FRMD1: variants seen among roughly 807,000 people sequenced by gnomAD.
FRMD1 encodes FERM domain containing 1, also known as FERM domain-containing protein 1.
FRMD1 carries 51 observed loss-of-function variants against 54.9 expected under a neutral mutation model. The ratio of observed to expected loss-of-function variants is 0.93; its 90% CI spans 0.74 to 1.17. FRMD1 has a LOEUF of 1.17. Ranked by LOEUF, FRMD1 falls within the 50% of genes most tolerant of loss-of-function variation. The probability of loss-of-function intolerance (pLI) is 0.00; values close to 1 mark genes in which losing one functional copy is unlikely to be tolerated. For synonymous variants in FRMD1, 324 were observed against 306.4 expected (o/e 1.06, Z -0.60); for missense variants, 729 against 743.0 (o/e 0.98, Z 0.22).
At chr6:168,090,151 C>T (rs934442773) in intron 1 of FRMD1, among the ~76,000 whole-genome samples, 2 of 152,162 alleles carry the variant, frequency 1.3e-5, no homozygotes, top group African/African-American at 4.8e-5. Context: ...GGACCCACCC[C>T]TGGTTGGCTC....
chr6:168,065,163 G>T (rs1369272333), intron 4 of FRMD1, 106 bp from the exon 5 acceptor site: 1 of 1,453,742 alleles, frequency 6.9e-7, no homozygotes, highest in East Asian at 2.5e-5. Flanking sequence ...GCTGTCCTGA[G>T]CCCCTGGTAC....
At chr6:168,065,819 C>T in intron 4 of FRMD1, 1 of 999,768 alleles carries the variant, frequency 1.0e-6, no homozygotes, top group Non-Finnish European at 1.2e-6. Context: ...CCTTTTGGAA[C>T]TGGCAGGGAT....
chr6:168,084,996 G>A (rs1208384265), upstream of FRMD1, among the ~76,000 whole-genome samples: 2 of 152,214 alleles, frequency 1.3e-5, no homozygotes, highest in African/African-American at 4.8e-5. Context: ...GGACGTGGGT[G>A]TCACTCCCTC....
At chr6:168,058,798 C>A (rs1205897685) in intron 10 of FRMD1, among the ~76,000 whole-genome samples, 1 of 152,178 alleles carries the variant, frequency 6.6e-6, no homozygotes, top group Non-Finnish European at 1.5e-5. Flanking sequence ...TGCTGCATGG[C>A]AGGTTGCAGG....
chr6:168,081,816 C>T, upstream of FRMD1: 1 of 369,734 alleles, frequency 2.7e-6, no homozygotes, highest in Non-Finnish European at 4.9e-6. Context: ...GAGGTGTCCT[C>T]TGGGGGTGGT....
At chr6:168,076,375 T>C (rs562282917) in intron 1 of FRMD1, among the ~76,000 whole-genome samples, 2 of 152,356 alleles carry the variant, frequency 1.3e-5, no homozygotes, top group East Asian at 1.9e-4. Flanking sequence ...ACTTCCTTAT[T>C]GATATGGTTT....
chr6:168,082,266 C>G (rs1422964768), upstream of FRMD1, among the ~76,000 whole-genome samples: 5 of 152,260 alleles, frequency 3.3e-5, no homozygotes, highest in Non-Finnish European at 7.3e-5. Flanking sequence ...CCGCAACACC[C>G]AGTCTGTGGA....
At position 168,063,673 on chromosome 6, in the gene FRMD1, C is replaced by G; in HGVS notation, c.732G>C (p.Glu244Asp). The G allele has an allele frequency of 6.2e-7, 1 of 1,613,922 alleles. No individual in the cohort carries two copies. The highest frequency in any genetic ancestry group is 1.1e-5 in the South Asian group (1 of 91,076). The change falls in exon 6 of 11, where the codon GAG becomes GAC. Residue 244 changes from glutamate (E) to aspartate (D), a missense_variant. Transcript: ENST00000283309. ...HRERQGLSPKEAMLCFIQEAC... is the reference protein window; with the variant it reads ...HRERQGLSPKDAMLCFIQEAC... ...CCTCCTGGATGAAGCACAGCATGGCCTCCTTGGGGCTCAGGCCCTGGCGCT... is the reference window on the plus strand; with the variant it reads ...CCTCCTGGATGAAGCACAGCATGGCGTCCTTGGGGCTCAGGCCCTGGCGCT...
intron 6 of FRMD1, 35 bp from the exon 7 acceptor site, chr6:168,062,994 C>G (rs750484794): frequency 1.3e-6 from 2 of 1,572,372 alleles, no homozygotes; most frequent in South Asian, 2.2e-5. Flanking sequence ...AGTTGCAGGC[C>G]TGGAGGTGCT....
In FRMD1 at chr6:168,092,235, C is replaced by CA. The variant is rs1801027156; in HGVS notation, c.-12+9189dup. 3.3e-5 allele frequency among the ~76,000 whole-genome samples: 5 copies of CA among 152,380 alleles called. No homozygotes were observed. The South Asian group carries it at 8.3e-4, about 25-fold the overall frequency. ...ATCTATCATGTGTCCTGCTCAGTGT[C>CA]ACAGCAGCTCCTCCACCCCACAGTC... On this transcript the variant is annotated intron_variant, in intron 1 of 12. Coordinates refer to the FRMD1 transcript ENST00000644440.
chr6:168,066,508 C>A, intron 4 of FRMD1: 1 of 1,247,210 alleles, frequency 8.0e-7, no homozygotes, highest in Non-Finnish European at 1.0e-6. Flanking sequence ...CAAAACAAAA[C>A]AAAACAAAAC....
chr6:168,091,476 G>A (rs1308940809), intron 1 of FRMD1, among the ~76,000 whole-genome samples: 1 of 152,212 alleles, frequency 6.6e-6, no homozygotes, highest in Non-Finnish European at 1.5e-5. Context: ...AGGCTCCTGG[G>A]GACTCCGTGG....
chr6:168,068,325 C>T (rs1800145325), intron 2 of FRMD1, among the ~76,000 whole-genome samples: 1 of 151,986 alleles, frequency 6.6e-6, no homozygotes, highest in African/African-American at 2.4e-5. Flanking sequence ...AACAATTTTC[C>T]TAGAGAGGAA....
intron 2 of FRMD1, among the ~76,000 whole-genome samples, chr6:168,069,863 C>A (rs557660166): frequency 1.3e-5 from 2 of 152,158 alleles, no homozygotes; most frequent in African/African-American, 4.8e-5. Flanking sequence ...CCTTCTTAGC[C>A]CGGCCACAGT....
intron 10 of FRMD1, among the ~76,000 whole-genome samples, chr6:168,058,907 C>G (rs1183987268): frequency 6.6e-6 from 1 of 152,178 alleles, no homozygotes; most frequent in South Asian, 2.1e-4. Context: ...AGTGAGCCGA[C>G]TCACTCGGCC....
chr6:168,089,713 G>A (rs1408972833), intron 1 of FRMD1, among the ~76,000 whole-genome samples: 1 of 152,222 alleles, frequency 6.6e-6, no homozygotes, highest in African/African-American at 2.4e-5. Flanking sequence ...CCAGCGGGGA[G>A]CGGAAAATCG....
chr6:168,080,870 T>TGCTGGTGTGTGTGGGC (rs1365979805), upstream of FRMD1, among the ~76,000 whole-genome samples: 437 of 150,024 alleles, frequency 2.9e-3, 2 homozygotes, highest in African/African-American at 0.01. Context: ...TGTGTGCGGG[T>TGCTGGTGTGTGTGGGC]GCTGGTGTGT....
chr6:168,085,113 T>A (rs1269162634), upstream of FRMD1, among the ~76,000 whole-genome samples: 1 of 152,234 alleles, frequency 6.6e-6, no homozygotes, highest in African/African-American at 2.4e-5. Flanking sequence ...TAAGGAATAT[T>A]TGGAGCAGTC....
chr6:168,072,491 C>T (rs1210910300), intron 2 of FRMD1, among the ~76,000 whole-genome samples: 3 of 152,232 alleles, frequency 2.0e-5, no homozygotes, highest in African/African-American at 7.2e-5. Context: ...GGGCGTTTCT[C>T]GCCTTGGGAG....
Sources: allele counts gnomAD v4.1 joint callset (sites outside exome capture counted in the v4.1 genomes callset), GRCh38; gene constraint gnomAD v4.1.1; transcripts MANE v1.5; gene names NCBI Gene and HGNC (gene_info 2026-07-23, HGNC 2026-07-21).